The following RYR2 variants were observed in gnomAD, a reference collection of about 807,000 sequenced individuals.
RYR2 encodes the protein ryanodine receptor 2.
In RYR2, 227 loss-of-function variants were observed where a neutral mutation model predicts 601.1. The observed-to-expected ratio is 0.38, with a 90% CI of 0.34 to 0.42. RYR2 has a LOEUF of 0.42. Ranked by LOEUF, RYR2 falls within the 10% of genes least tolerant of loss-of-function variation. The pLI, the probability that RYR2 is intolerant of heterozygous loss-of-function variation, is 1.00. For synonymous variants in RYR2, 2,223 were observed against 2,175.1 expected, an observed-to-expected ratio of 1.02 and a Z score of -0.61; for missense variants, 4,646 against 6,156.5, an observed-to-expected ratio of 0.75 and a Z score of 8.21.
intron 53 of RYR2, among the ~76,000 whole-genome samples, chr1:237,656,285 A>G (rs1323323647): frequency 6.6e-6 from 1 of 152,142 alleles, no homozygotes; most frequent in Non-Finnish European, 1.5e-5. Flanking sequence ...AAATTACCCT[A>G]AATGTTTATT....
At chr1:237,435,187 A>G (rs1300090947) in intron 12 of RYR2, among the ~76,000 whole-genome samples, 1 of 152,234 alleles carries the variant, frequency 6.6e-6, no homozygotes. Context: ...CAGTGAAAAT[A>G]AAGGTAGAGG....
intron 2 of RYR2, among the ~76,000 whole-genome samples, chr1:237,321,955 A>G (rs1695668288): frequency 6.6e-6 from 1 of 152,202 alleles, no homozygotes; most frequent in African/African-American, 2.4e-5. Context: ...GAAGTGGACT[A>G]TAGGGCAGGC....
At chr1:237,099,857 A>G (rs1006960491) in intron 1 of RYR2, among the ~76,000 whole-genome samples, 2 of 151,994 alleles carry the variant, frequency 1.3e-5, no homozygotes, top group Non-Finnish European at 2.9e-5. Flanking sequence ...TTTTTCACCA[A>G]TTTACAAATG....
At chr1:237,468,967 T>A in intron 16 of RYR2, 125 bp from the exon 17 acceptor site, 1 of 675,434 alleles carries the variant, frequency 1.5e-6, no homozygotes, top group East Asian at 2.8e-5. Context: ...TATGTTTGCA[T>A]AAGTTTTTAG....
At chr1:237,213,915 CTTTTTTTTTTTTTTTTTTTT>C (rs71180008) in intron 1 of RYR2, among the ~76,000 whole-genome samples, 1 of 65,496 alleles carries the variant, frequency 1.5e-5, no homozygotes, top group South Asian at 6.5e-4. Flanking sequence ...TTTTCTTTTT[CTTTTTTTTTTTTTTTTTTTT>C]TTTTAGACAG....
chr1:237,800,588 TTAAATC>T (rs1284667390), intron 97 of RYR2, among the ~76,000 whole-genome samples: 1 of 152,130 alleles, frequency 6.6e-6, no homozygotes, highest in African/African-American at 2.4e-5. Flanking sequence ...GACTAAAACA[TTAAATC>T]TAGAGAAACC....
chr1:237,046,605 A>C (rs1029465359), intron 1 of RYR2, among the ~76,000 whole-genome samples: 1 of 152,232 alleles, frequency 6.6e-6, no homozygotes, highest in Admixed American at 6.5e-5. Flanking sequence ...TAGCATGTAC[A>C]CATTGGCAGG....
intron 1 of RYR2, among the ~76,000 whole-genome samples, chr1:237,115,109 G>A (rs574035404): frequency 4.6e-5 from 7 of 152,068 alleles, no homozygotes; most frequent in Non-Finnish European, 1.0e-4. Flanking sequence ...AAGACCCCAG[G>A]CTATCTGTCG....
chr1:237,642,290 G>C (rs902581099), intron 47 of RYR2, among the ~76,000 whole-genome samples: 1 of 152,156 alleles, frequency 6.6e-6, no homozygotes, highest in Non-Finnish European at 1.5e-5. Flanking sequence ...TCACAGGATA[G>C]AGAAATGTTA....
intron 66 of RYR2, among the ~76,000 whole-genome samples, chr1:237,702,799 G>A (rs1406059182): frequency 6.6e-6 from 1 of 152,038 alleles, no homozygotes; most frequent in African/African-American, 2.4e-5. Flanking sequence ...GTAATGAACA[G>A]GTACTCATTT....
chr1:237,499,686 A>T (rs1664430472), intron 20 of RYR2, among the ~76,000 whole-genome samples: 2 of 149,838 alleles, frequency 1.3e-5, no homozygotes, highest in African/African-American at 4.9e-5. Context: ...TAAAAAAAAA[A>T]TAGGTATTCT....
chr1:237,342,461 C>A (rs977009966), intron 3 of RYR2, among the ~76,000 whole-genome samples: 21 of 151,958 alleles, frequency 1.4e-4, no homozygotes, highest in African/African-American at 5.1e-4. Flanking sequence ...ACTCATACAA[C>A]CTCTTTAGTG....
At chr1:237,201,781 C>T (rs1017681876) in intron 1 of RYR2, among the ~76,000 whole-genome samples, 3 of 152,104 alleles carry the variant, frequency 2.0e-5, no homozygotes, top group African/African-American at 4.8e-5. Context: ...GGACTCTTGT[C>T]GGGAAGGCTG....
chr1:237,660,919 G>GAATC lies in RYR2; in HGVS notation c.8408_8409insAATC (p.Thr2804IlefsTer25). 1 of 1,465,738 alleles carries GAATC rather than the reference G, an allele frequency of 6.8e-7. No individual in the cohort carries two copies. The highest frequency in any genetic ancestry group is 9.1e-7 in the Non-Finnish European group (1 of 1,102,742). The allele number at this position is 1,465,738 out of a possible 1,614,324, so 90.8% of individuals were successfully genotyped here. On this transcript the variant is annotated frameshift_variant, in exon 56 of 105. Coordinates refer to ENST00000366574, the MANE Select transcript of RYR2 (RefSeq NM_001035.3). LOFTEE classifies it high-confidence loss of function. ...GGAGACAGCATGGCCCTTTACAACC[G>GAATC]GACTCGTCGTATTTCTCAGACAAGC...
intron 35 of RYR2, among the ~76,000 whole-genome samples, chr1:237,608,803 T>TG (rs1164284838): frequency 8.1e-5 from 10 of 123,628 alleles, no homozygotes; most frequent in African/African-American, 3.8e-4. Context: ...CCTGTTTTTT[T>TG]TTTTTTTTTT....
At chr1:237,606,544 C>T (rs142892133) in intron 35 of RYR2, among the ~76,000 whole-genome samples, 1,692 of 152,238 alleles carry the variant, frequency 0.011, 34 homozygotes, top group East Asian at 0.036. Context: ...AAAGCAATGG[C>T]AACAAAAACT....
intron 2 of RYR2, among the ~76,000 whole-genome samples, chr1:237,322,986 C>T (rs1346946102): frequency 1.3e-5 from 2 of 151,688 alleles, no homozygotes; most frequent in Non-Finnish European, 1.5e-5. Context: ...GTGTGTTATT[C>T]GTCCATTTAT....
intron 25 of RYR2, among the ~76,000 whole-genome samples, chr1:237,540,715 TAA>T (rs61711260): frequency 1.8e-4 from 24 of 130,300 alleles, no homozygotes; most frequent in East Asian, 2.2e-4. Flanking sequence ...TTCAAAATAT[TAA>T]AAAAAAAAAA....
chr1:237,380,083 A>T (rs1350746389), intron 8 of RYR2, among the ~76,000 whole-genome samples: 1 of 151,916 alleles, frequency 6.6e-6, no homozygotes, highest in African/African-American at 2.4e-5. Flanking sequence ...AGAGATGCTG[A>T]AGGACATTCC....
Sources: allele counts gnomAD v4.1 joint callset (sites outside exome capture counted in the v4.1 genomes callset), GRCh38; gene constraint gnomAD v4.1.1; transcripts MANE v1.5; gene names NCBI Gene and HGNC (gene_info 2026-07-23, HGNC 2026-07-21).